Variants in TMEM184B observed in about 807,000 individuals in gnomAD.
The protein encoded by TMEM184B is putative MAPK-activating protein FM08.
Under a neutral mutation model 41.8 loss-of-function variants are expected in TMEM184B, and 17 were observed. That is an observed-to-expected ratio of 0.41 (90% CI 0.28 to 0.61). The LOEUF is 0.61. Ranked by LOEUF, TMEM184B falls within the 20% of genes least tolerant of loss-of-function variation. TMEM184B has a pLI of 0.34. For synonymous variants in TMEM184B, 240 were observed against 229.5 expected, an observed-to-expected ratio of 1.05 and a Z score of -0.41; for missense variants, 393 against 557.8, an observed-to-expected ratio of 0.70 and a Z score of 2.98.
At chr22:38,232,921 T>A (rs2091673037) in intron 3 of TMEM184B, among the ~76,000 whole-genome samples, 1 of 152,164 alleles carries the variant, frequency 6.6e-6, no homozygotes, top group Non-Finnish European at 1.5e-5. Flanking sequence ...GTGTGACAAG[T>A]CCCCGGTGAC....
At chr22:38,216,513 G>A (rs907070110), downstream of TMEM184B, 1 of 92,116 alleles carries the variant, frequency 1.1e-5, no homozygotes, top group South Asian at 5.3e-4. Context: ...GAGAATAAAT[G>A]TGTATCCTGG....
chr22:38,229,005 C>T (rs1386130593), intron 5 of TMEM184B, among the ~76,000 whole-genome samples: 6 of 152,240 alleles, frequency 3.9e-5, no homozygotes, highest in Non-Finnish European at 8.8e-5. Flanking sequence ...TCTTTCCCTG[C>T]AGGTCCAGTG....
intron 3 of TMEM184B, among the ~76,000 whole-genome samples, chr22:38,244,530 C>G (rs1341779303): frequency 6.6e-6 from 1 of 151,946 alleles, no homozygotes; most frequent in Non-Finnish European, 1.5e-5. Flanking sequence ...GACCTCAGCT[C>G]ACCACAACCT....
At chr22:38,238,227 C>CTT (rs1029386970) in intron 3 of TMEM184B, among the ~76,000 whole-genome samples, 29 of 137,522 alleles carry the variant, frequency 2.1e-4, no homozygotes, top group African/African-American at 3.5e-4. Flanking sequence ...CTATCAACTT[C>CTT]TTTTTTTTTT....
rs774554470 is a variant in TMEM184B at position 38,247,851 on chromosome 22, C to A, written c.111G>T (p.Gln37His). ...CGGCAGTTGTCATCAGGAACACAGG[C>A]TGCTCCATGGCAGTGGGGCTGCCCT... is the stretch of plus-strand genomic sequence containing the variant. The part of the protein sequence containing the change: ...IPEGSPTAME[Q>H]PVFLMTTAAQ... The change falls in exon 2 of 9, where the codon CAG becomes CAT. Residue 37 changes from glutamine to histidine, a missense_variant. Transcript: ENST00000361906. The A allele has an allele frequency of 6.2e-7, 1 of 1,613,750 alleles. No individual in the cohort carries two copies. Among genetic ancestry groups the A allele is most frequent in the South Asian group, 1.1e-5 (1 of 90,976 alleles).
In TMEM184B at chr22:38,247,855, T is replaced by C. The variant is rs759963312; in HGVS notation, c.107A>G (p.Glu36Gly). ...VIPEGSPTAMEQPVFLMTTAA... is the reference protein window; with the variant it reads ...VIPEGSPTAMGQPVFLMTTAA... ...AGTTGTCATCAGGAACACAGGCTGC[T>C]CCATGGCAGTGGGGCTGCCCTCGGG... Residue 36 changes from glutamate to glycine, a missense_variant, in exon 2 of 9, where the codon GAG becomes GGG. Around this residue, in one of 2 missense-constraint regions of TMEM184B, gnomAD observed 122 missense variants for 123.7 expected, o/e 0.99. Transcript: ENST00000361906. The C allele has an allele frequency of 2.5e-6, 4 of 1,613,474 alleles. No homozygotes were observed. In the African/African-American group the frequency reaches 5.3e-5, roughly 22 times the overall value.
chr22:38,237,380 C>T (rs1376045520), intron 3 of TMEM184B, among the ~76,000 whole-genome samples: 8 of 152,244 alleles, frequency 5.3e-5, no homozygotes, highest in African/African-American at 1.7e-4. Context: ...CTTCAATACA[C>T]ACTCGCTGTG....
At chr22:38,255,591 G>A (rs1029470998) in intron 1 of TMEM184B, among the ~76,000 whole-genome samples, 7 of 152,196 alleles carry the variant, frequency 4.6e-5, no homozygotes, top group South Asian at 2.1e-4. Flanking sequence ...AAATGTTCAC[G>A]GCAGCCGTAT....
At chr22:38,251,661 C>T (rs2092165644) in intron 1 of TMEM184B, among the ~76,000 whole-genome samples, 1 of 152,208 alleles carries the variant, frequency 6.6e-6, no homozygotes, top group Admixed American at 6.5e-5. Context: ...TCTGTACAGG[C>T]ACTGACCGGG....
At chr22:38,232,187 C>CA (rs1227779541) in intron 3 of TMEM184B, 3 of 152,716 alleles carry the variant, frequency 2.0e-5, no homozygotes, top group Non-Finnish European at 4.4e-5. Flanking sequence ...CTATGAGCTA[C>CA]AACAAAGCAC....
chr22:38,230,604 C>T (rs2091586547), intron 5 of TMEM184B, 65 bp downstream of exon 5: 5 of 1,544,446 alleles, frequency 3.2e-6, no homozygotes, highest in Non-Finnish European at 4.4e-6. Context: ...CAGGGCAGCC[C>T]ACGGCAGGGC....
At position 38,265,559 on chromosome 22, in the gene TMEM184B, T is replaced by C. The variant is rs190593344; in HGVS notation, c.-59+7325A>G. Among the ~76,000 whole-genome samples, 102 of 152,258 alleles carry C rather than the reference T, an allele frequency of 6.7e-4. 1 individual carries two copies. In the East Asian group the frequency reaches 0.017, roughly 25 times the overall value. On this transcript the variant is annotated intron_variant, in intron 1 of 8. Transcript: ENST00000361906. ...ACCCCTCTGAGCCTCAGTCTCTCCA[T>C]CTATAAAATAGGTGCAATAATTTCA...
Position 38,220,261 on chromosome 22 carries a change from G to A in TMEM184B, c.*1208C>T. The A allele has an allele frequency of 1.0e-6, 1 of 985,986 alleles. No individual in the cohort carries two copies. The highest frequency in any genetic ancestry group is 1.2e-6 in the Non-Finnish European group (1 of 830,048). The allele number at this position is 985,986 out of a possible 1,614,324, so 61.1% of individuals were successfully genotyped here. A position where few individuals can be genotyped will look rare whatever the true frequency, so the allele number is the denominator to read the frequency against. On this transcript the variant is annotated 3_prime_UTR_variant, in exon 9 of 9. Coordinates refer to ENST00000361906, the MANE Select transcript of TMEM184B (RefSeq NM_012264.5). ...GTGGTCCTGACCACTCCTGAGGCCTGTCCAAGGGCTCTGGGCCCAGCACTG... is the reference window on the plus strand; with the variant it reads ...GTGGTCCTGACCACTCCTGAGGCCTATCCAAGGGCTCTGGGCCCAGCACTG...
At chr22:38,246,182 C>A in intron 2 of TMEM184B, 82 bp from the exon 3 acceptor site, 4 of 1,522,756 alleles carry the variant, frequency 2.6e-6, no homozygotes, top group South Asian at 1.2e-5. Context: ...GCTCTGCCAC[C>A]GACTCATCTG....
At chr22:38,267,392 C>A (rs1436537419) in intron 1 of TMEM184B, among the ~76,000 whole-genome samples, 2 of 151,930 alleles carry the variant, frequency 1.3e-5, no homozygotes, top group Non-Finnish European at 2.9e-5. Context: ...TGAGCACCAC[C>A]GGCTCCTGGA....
chr22:38,235,129 T>A (rs1271399475), intron 3 of TMEM184B, among the ~76,000 whole-genome samples: 1 of 152,198 alleles, frequency 6.6e-6, no homozygotes, highest in Non-Finnish European at 1.5e-5. Flanking sequence ...CAGACGTACA[T>A]GGACCATCTC....
chr22:38,241,802 T>C (rs2092077), intron 3 of TMEM184B, among the ~76,000 whole-genome samples: 64,187 of 147,892 alleles, frequency 0.43, 15,582 homozygotes, highest in African/African-American at 0.67. Context: ...GAGAATGGCG[T>C]GAACCCAGGA....
intron 3 of TMEM184B, among the ~76,000 whole-genome samples, chr22:38,236,976 C>T (rs1208700157): frequency 1.3e-5 from 2 of 152,232 alleles, no homozygotes; most frequent in Middle Eastern, 3.4e-3. Flanking sequence ...CTGTTTGTCG[C>T]CCTCCCAAAT....
intron 1 of TMEM184B, among the ~76,000 whole-genome samples, chr22:38,266,956 G>C (rs2092451946): frequency 6.6e-6 from 1 of 151,996 alleles, no homozygotes; most frequent in African/African-American, 2.4e-5. Flanking sequence ...CGTGGCAGGT[G>C]CCTGTACTCC....
Sources: allele counts gnomAD v4.1 joint callset (sites outside exome capture counted in the v4.1 genomes callset), GRCh38; gene constraint gnomAD v4.1.1; regional missense constraint gnomAD v4.1.1; transcripts MANE v1.5; gene names NCBI Gene and HGNC (gene_info 2026-07-23, HGNC 2026-07-21).